Variants in MAP7 observed in about 807,000 individuals in gnomAD.
MAP7 encodes ensconsin.
In MAP7, 52 loss-of-function variants were observed where a neutral mutation model predicts 94.8. The observed-to-expected ratio is 0.55, with a 90% CI of 0.44 to 0.69. The LOEUF (loss-of-function observed/expected upper bound fraction) is 0.69. Ranked by LOEUF, MAP7 falls within the 30% of genes least tolerant of loss-of-function variation. The pLI, the probability that MAP7 is intolerant of heterozygous loss-of-function variation, is 0.00. For missense variants in MAP7, 940 were observed against 964.6 expected, an observed-to-expected ratio of 0.97 and a Z score of 0.34; for synonymous variants, 350 against 357.0, an observed-to-expected ratio of 0.98 and a Z score of 0.22.
intron 8 of MAP7, 81 bp downstream of exon 8, chr6:136,372,420 C>T: frequency 6.5e-7 from 1 of 1,536,220 alleles, no homozygotes; most frequent in Non-Finnish European, 8.9e-7. Context: ...ACGCCCACAC[C>T]ACAGCTCAGG....
intron 1 of MAP7, among the ~76,000 whole-genome samples, chr6:136,478,979 C>CAAAAAAAAAAAAAAAAAAAGAAAAAA (rs59319740): frequency 2.2e-5 from 1 of 45,544 alleles, no homozygotes; most frequent in African/African-American, 5.3e-5. Flanking sequence ...ACAGACACAT[C>CAAAAAAAAAAAAAAAAAAAGAAAAAA]AAAAAAAAAA....
intron 1 of MAP7, among the ~76,000 whole-genome samples, chr6:136,447,282 T>C (rs1015360654): frequency 5.9e-5 from 9 of 152,252 alleles, no homozygotes; most frequent in Non-Finnish European, 1.5e-5. Flanking sequence ...AAATAACTAA[T>C]TCTCTTTCTC....
Position 136,454,524 on chromosome 6 carries a change from C to T in MAP7, c.68-32725G>A, listed in dbSNP as rs889624538. Among the ~76,000 whole-genome samples, 8 of 152,104 alleles carry T rather than the reference C, an allele frequency of 5.3e-5. No homozygotes were observed. In the East Asian group the frequency reaches 1.4e-3, roughly 26 times the overall value. On this transcript the variant is annotated intron_variant, in intron 1 of 17. Coordinates refer to ENST00000354570, the MANE Select transcript of MAP7 (RefSeq NM_003980.6). ...TGTTACCCAGGCTGGTCTCAAACTC[C>T]TGGGCTCAAGCGACCCTCACGCCTT...
At chr6:136,384,508 T>G (rs75874530) in intron 5 of MAP7, among the ~76,000 whole-genome samples, 1,683 of 151,626 alleles carry the variant, frequency 0.011, 15 homozygotes, top group Non-Finnish European at 0.014. Context: ...TTTTTTTTTT[T>G]GGGGAGACAG....
At chr6:136,441,461 G>C (rs972800632) in intron 1 of MAP7, among the ~76,000 whole-genome samples, 6 of 152,184 alleles carry the variant, frequency 3.9e-5, no homozygotes, top group African/African-American at 1.4e-4. Flanking sequence ...TGGTGTTTTA[G>C]TAACTGTTTC....
intron 8 of MAP7, among the ~76,000 whole-genome samples, chr6:136,369,937 T>C (rs1377499357): frequency 1.3e-5 from 2 of 152,010 alleles, no homozygotes; most frequent in Non-Finnish European, 2.9e-5. Flanking sequence ...TGGGACAACA[T>C]CAAACTTAAA....
chr6:136,480,007 T>C (rs151022649), intron 1 of MAP7, among the ~76,000 whole-genome samples: 2 of 152,288 alleles, frequency 1.3e-5, no homozygotes, highest in East Asian at 1.9e-4. Flanking sequence ...TAAAATTTAT[T>C]TGGAACCACA....
intron 1 of MAP7, among the ~76,000 whole-genome samples, chr6:136,426,150 T>C (rs2128789381): frequency 6.6e-6 from 1 of 152,298 alleles, no homozygotes; most frequent in East Asian, 1.9e-4. Flanking sequence ...CTCAACAAAG[T>C]TCCCGTCTTC....
rs376104256 is a variant in MAP7 at position 136,411,695 on chromosome 6, G to A, written c.169C>T (p.Pro57Ser). Residue 57 changes from proline (P) to serine (S), a missense_variant and splice_region_variant, in exon 3 of 18, where the codon CCT becomes TCT. Coordinates refer to ENST00000354570, the MANE Select transcript of MAP7 (RefSeq NM_003980.6). ...NNNHSGNKPD[P>S]PPVLRVDDRQ... Reference sequence around the variant, plus strand: ...TCATCAACACGTAACACAGGCGGAGGGTCTGAAAGCGAGATTAAAAAAAAC... The same window carrying A: ...TCATCAACACGTAACACAGGCGGAGAGTCTGAAAGCGAGATTAAAAAAAAC... The A allele has an allele frequency of 6.4e-7, 1 of 1,561,312 alleles. No homozygotes were observed.
chr6:136,491,768 A>G (rs909272650), intron 1 of MAP7, among the ~76,000 whole-genome samples: 1 of 152,240 alleles, frequency 6.6e-6, no homozygotes, highest in Non-Finnish European at 1.5e-5. Context: ...CATTAAAATG[A>G]TGCTCCTGTA....
chr6:136,387,250 C>A (rs766534092), intron 5 of MAP7, among the ~76,000 whole-genome samples: 1 of 151,926 alleles, frequency 6.6e-6, no homozygotes, highest in Non-Finnish European at 1.5e-5. Context: ...TAATGATTGA[C>A]GGGGAAAAAA....
At chr6:136,452,822 G>A (rs559688420) in intron 1 of MAP7, among the ~76,000 whole-genome samples, 2 of 152,220 alleles carry the variant, frequency 1.3e-5, no homozygotes, top group South Asian at 4.1e-4. Flanking sequence ...CAAAGTGCTG[G>A]CATTACAGGC....
intron 1 of MAP7, among the ~76,000 whole-genome samples, chr6:136,454,878 G>A (rs1802393935): frequency 6.6e-6 from 1 of 151,996 alleles, no homozygotes; most frequent in Non-Finnish European, 1.5e-5. Context: ...CTGCTTGGGT[G>A]ATAGGCCAAG....
chr6:136,360,562 G>A (rs529636932), intron 13 of MAP7, 135 bp downstream of exon 13: 43 of 720,978 alleles, frequency 6.0e-5, no homozygotes, highest in Middle Eastern at 2.5e-4. Context: ...TTCTTTGCAG[G>A]AGATTGTTAT....
chr6:136,526,004 T>G (rs1178974257), intron 1 of MAP7: 11 of 1,486,766 alleles, frequency 7.4e-6, no homozygotes, highest in Non-Finnish European at 7.1e-6. Context: ...ATTGTGATTA[T>G]ATTAAAAATA....
intron 1 of MAP7, among the ~76,000 whole-genome samples, chr6:136,463,900 C>T (rs865837743): frequency 1.3e-5 from 2 of 152,144 alleles, no homozygotes; most frequent in Non-Finnish European, 2.9e-5. Context: ...TGTTCGAGTG[C>T]CTTGCTTAAC....
At chr6:136,407,636 G>C (rs1016459719) in intron 3 of MAP7, among the ~76,000 whole-genome samples, 21 of 152,134 alleles carry the variant, frequency 1.4e-4, no homozygotes, top group African/African-American at 5.1e-4. Flanking sequence ...CTACCTACTG[G>C]GCTAGTTGAT....
chr6:136,497,797 CAA>C (rs1199112585), intron 1 of MAP7, among the ~76,000 whole-genome samples: 58 of 46,564 alleles, frequency 1.2e-3, no homozygotes, highest in African/African-American at 3.4e-3. Context: ...GACTCTGTCA[CAA>C]AAAAAAAAAA....
intron 1 of MAP7, among the ~76,000 whole-genome samples, chr6:136,479,337 G>T (rs1408136740): frequency 6.6e-6 from 1 of 152,068 alleles, no homozygotes; most frequent in Non-Finnish European, 1.5e-5. Context: ...CTAAAAAACT[G>T]GGAATAGAAG....
Sources: allele counts gnomAD v4.1 joint callset (sites outside exome capture counted in the v4.1 genomes callset), GRCh38; gene constraint gnomAD v4.1.1; transcripts MANE v1.5; gene names NCBI Gene and HGNC (gene_info 2026-07-23, HGNC 2026-07-21).